Variants in GGA2 observed in about 807,000 individuals in gnomAD.
GGA2 encodes the protein ADP-ribosylation factor-binding protein GGA2.
GGA2 carries 48 observed loss-of-function variants against 79.5 expected under a neutral mutation model. The ratio of observed to expected loss-of-function variants is 0.60; its 90% CI spans 0.48 to 0.77. GGA2 has a LOEUF of 0.77. Among genes scored for constraint, GGA2 ranks in the 30% least tolerant of loss-of-function variants. GGA2 has a pLI of 0.00. For missense variants in GGA2, 770 were observed against 774.0 expected (o/e 0.99, Z 0.06); for synonymous variants, 317 against 302.0 (o/e 1.05, Z -0.51).
intron 1 of GGA2, among the ~76,000 whole-genome samples, chr16:23,521,567 T>C (rs1424426664): frequency 6.6e-6 from 1 of 152,096 alleles, no homozygotes; most frequent in African/African-American, 2.4e-5. Flanking sequence ...CCTGGCTAAT[T>C]TTTAAATTTT....
At chr16:23,519,109 C>T (rs1965120731) in intron 2 of GGA2, among the ~76,000 whole-genome samples, 1 of 146,510 alleles carries the variant, frequency 6.8e-6, no homozygotes, top group Non-Finnish European at 1.5e-5. Flanking sequence ...TGGCACTATC[C>T]TGGCTCACTG....
In GGA2 at chr16:23,465,344, TTGCTGATTAGAAGGGAG is replaced by T. The variant is rs1964422051; in HGVS notation, c.*2229_*2245del. On this transcript the variant is annotated 3_prime_UTR_variant, in exon 17 of 17. Coordinates refer to ENST00000309859, the MANE Select transcript of GGA2 (RefSeq NM_015044.4). The stretch of plus-strand genomic sequence containing the variant: ...GCTGGGCTCTAAGTGGCCACTGGAC[TTGCTGATTAGAAGGGAG>T]TGATGCCATAAACCACAGCCACTTT... 4.3e-6 allele frequency: 3 copies of T among 702,902 alleles called. No individual in the cohort carries two copies. In the East Asian group the frequency reaches 8.0e-5, roughly 19 times the overall value. The allele number at this position is 702,902 out of a possible 1,614,324, so 43.5% of individuals were successfully genotyped here.
At chr16:23,514,795 A>G (rs1271684230), upstream of GGA2, among the ~76,000 whole-genome samples, 3 of 152,110 alleles carry the variant, frequency 2.0e-5, no homozygotes, top group Non-Finnish European at 2.9e-5. Context: ...GAGGTGAGGA[A>G]AGATGTAAGG....
chr16:23,504,017 G>A (rs933276466), intron 1 of GGA2, among the ~76,000 whole-genome samples: 38 of 151,634 alleles, frequency 2.5e-4, no homozygotes, highest in South Asian at 8.3e-4. Flanking sequence ...GGAGACGGAG[G>A]TTGCGGTGAG....
At chr16:23,480,909 C>T in intron 9 of GGA2, 139 bp from the exon 10 acceptor site, 1 of 774,484 alleles carries the variant, frequency 1.3e-6, no homozygotes, top group South Asian at 1.7e-5. Flanking sequence ...CAGGTTGTGT[C>T]ATCGGACCCT....
chr16:23,486,055 C>A lies in GGA2; in HGVS notation c.758G>T (p.Arg253Leu), dbSNP rs761975985. Residue 253 changes from arginine (R) to leucine (L), a missense_variant, in exon 8 of 17, where the codon CGC (arginine) becomes CTC (leucine). By Grantham distance (102) the Arg-to-Leu change is moderately radical. Coordinates refer to ENST00000309859, the MANE Select transcript of GGA2 (RefSeq NM_015044.4). Reference protein sequence around the residue: ...KVLQEMLSMYRRPGQAPPDQE... With the variant: ...KVLQEMLSMYLRPGQAPPDQE... The stretch of plus-strand genomic sequence containing the variant: ...GTCGGGCGGGGCCTGCCCTGGCCTG[C>A]GGTACATGCTCAGCATCTCCTGCAG... 6 of 1,613,980 alleles carry A rather than the reference C, an allele frequency of 3.7e-6. No homozygotes were observed. Among genetic ancestry groups the A allele is most frequent in the Non-Finnish European group, 5.1e-6 (6 of 1,179,966 alleles).
chr16:23,513,127 G>A (rs1294660468), upstream of GGA2, among the ~76,000 whole-genome samples: 1 of 152,146 alleles, frequency 6.6e-6, no homozygotes, highest in Non-Finnish European at 1.5e-5. Flanking sequence ...GCTACAGGGG[G>A]CATGAGCTCT....
Position 23,479,817 on chromosome 16 carries a change from C to T in GGA2, c.1077G>A (p.Ala359=), listed in dbSNP as rs750103759. The change falls in exon 11 of 17, where the codon GCG becomes GCA. Residue 359 remains alanine, a synonymous_variant. Coordinates refer to ENST00000309859, the MANE Select transcript of GGA2 (RefSeq NM_015044.4). The stretch of plus-strand genomic sequence containing the variant: ...AAGATGGCACCACAGTCCCCATCTG[C>T]GCAGGTCCATTGTCCACCTCCAAGT... ...LIDLEVDNGP[A]QMGTVVPSLL... The T allele has an allele frequency of 2.2e-5, 35 of 1,613,990 alleles. No individual in the cohort carries two copies. The highest frequency in any genetic ancestry group is 8.0e-5 in the African/African-American group (6 of 74,932).
intron 8 of GGA2, 55 bp from the exon 9 acceptor site, chr16:23,483,059 C>T: frequency 9.0e-7 from 1 of 1,115,956 alleles, no homozygotes; most frequent in Non-Finnish European, 1.4e-6. Flanking sequence ...ATAACGCCCC[C>T]CTCCAGGGCC....
intron 1 of GGA2, among the ~76,000 whole-genome samples, chr16:23,503,737 A>T (rs567939109): frequency 1.3e-4 from 20 of 152,230 alleles, no homozygotes; most frequent in African/African-American, 4.8e-4. Flanking sequence ...CTATGGGGGG[A>T]AAAAAGATTT....
upstream of GGA2, chr16:23,524,242 A>G (rs1965186538): frequency 1.3e-6 from 1 of 784,940 alleles, no homozygotes; most frequent in Non-Finnish European, 2.2e-6. Context: ...GTGCAGTCAG[A>G]GATTGTTTCC....
At chr16:23,513,900 C>T (rs1224380571), upstream of GGA2, among the ~76,000 whole-genome samples, 1 of 151,886 alleles carries the variant, frequency 6.6e-6, no homozygotes, top group East Asian at 1.9e-4. Context: ...CTGCCCTATA[C>T]CTAGGAAGAA....
At chr16:23,468,440 T>G (rs1964469215) in intron 16 of GGA2, among the ~76,000 whole-genome samples, 1 of 151,518 alleles carries the variant, frequency 6.6e-6, no homozygotes, top group African/African-American at 2.4e-5. Flanking sequence ...CCTCCCAAAG[T>G]GCTGGGATTA....
At chr16:23,500,550 G>A (rs1330595294) in intron 1 of GGA2, among the ~76,000 whole-genome samples, 2 of 152,160 alleles carry the variant, frequency 1.3e-5, no homozygotes, top group Non-Finnish European at 2.9e-5. Context: ...CTGGGGAGCT[G>A]TCCTGCAGTG....
chr16:23,523,031 C>T (rs1965165910), upstream of GGA2: 1 of 152,342 alleles, frequency 6.6e-6, no homozygotes, highest in South Asian at 2.1e-4. Context: ...AAGACAGAAG[C>T]CACGATGTAT....
chr16:23,477,939 A>G (rs1964595387), intron 13 of GGA2, among the ~76,000 whole-genome samples: 1 of 152,044 alleles, frequency 6.6e-6, no homozygotes, highest in African/African-American at 2.4e-5. Context: ...TAAACTTTCA[A>G]TAGAAAGATG....
At chr16:23,481,112 C>T (rs1171476753) in intron 9 of GGA2, among the ~76,000 whole-genome samples, 1 of 152,224 alleles carries the variant, frequency 6.6e-6, no homozygotes, top group African/African-American at 2.4e-5. Flanking sequence ...TGTGCAGTGG[C>T]TCATGCCTAT....
intron 1 of GGA2, among the ~76,000 whole-genome samples, chr16:23,506,835 T>C (rs1214004408): frequency 6.6e-6 from 1 of 152,070 alleles, no homozygotes; most frequent in Non-Finnish European, 1.5e-5. Flanking sequence ...ATCATCTTGA[T>C]CTCCTTCGCC....
At chr16:23,469,870 C>G in intron 15 of GGA2, 126 bp downstream of exon 15, 1 of 664,476 alleles carries the variant, frequency 1.5e-6, no homozygotes, top group Non-Finnish European at 2.4e-6. Context: ...CCATTACATT[C>G]CCACTTTATC....
Sources: allele counts gnomAD v4.1 joint callset (sites outside exome capture counted in the v4.1 genomes callset), GRCh38; gene constraint gnomAD v4.1.1; transcripts MANE v1.5; gene names NCBI Gene and HGNC (gene_info 2026-07-23, HGNC 2026-07-21).